STXBP5L: variants seen among roughly 807,000 people sequenced by gnomAD.
The protein encoded by STXBP5L is syntaxin binding protein 5L, also known as syntaxin-binding protein 5-like.
STXBP5L carries 65 observed loss-of-function variants against 144.5 expected under a neutral mutation model. That is an observed-to-expected ratio of 0.45 (90% confidence interval 0.37 to 0.55). The LOEUF (loss-of-function observed/expected upper bound fraction) is 0.55. Among genes scored for constraint, STXBP5L ranks in the 20% least tolerant of loss-of-function variants. STXBP5L has a pLI of 0.00. For synonymous variants in STXBP5L, 505 were observed against 469.6 expected (o/e 1.08, Z -0.97); for missense variants, 1,298 against 1,405.5 (o/e 0.92, Z 1.22).
intron 3 of STXBP5L, among the ~76,000 whole-genome samples, chr3:121,007,346 TATG>T (rs1479063066): frequency 1.3e-5 from 2 of 152,044 alleles, no homozygotes; most frequent in African/African-American, 4.8e-5. Flanking sequence ...AGCTTTCTTT[TATG>T]ATAATAGTTT....
chr3:121,127,953 C>A lies in STXBP5L; in HGVS notation c.669+6249C>A, dbSNP rs182375073. 5.9e-5 allele frequency among the ~76,000 whole-genome samples: 9 copies of A among 152,110 alleles called. No homozygotes were observed. In the East Asian group the frequency reaches 1.7e-3, roughly 29 times the overall value. On this transcript the variant is annotated intron_variant, in intron 7 of 26. Transcript: ENST00000471454. ...GATGTTTTTCCCCACAAGACCACCT[C>A]CAGTATCATTACATCCAGGCAAAGA...
chr3:120,914,635 C>T (rs548934919), intron 2 of STXBP5L, among the ~76,000 whole-genome samples: 6 of 151,992 alleles, frequency 3.9e-5, no homozygotes, highest in Non-Finnish European at 5.9e-5. Flanking sequence ...TTTACTTAAG[C>T]GGTTTTGCAA....
At chr3:121,178,656 A>G (rs1432995275) in intron 9 of STXBP5L, among the ~76,000 whole-genome samples, 1 of 152,182 alleles carries the variant, frequency 6.6e-6, no homozygotes, top group Non-Finnish European at 1.5e-5. Context: ...GGGGAATCTG[A>G]AAATCCAGAT....
chr3:121,040,690 C>A (rs1431842441), intron 3 of STXBP5L, among the ~76,000 whole-genome samples: 1 of 152,050 alleles, frequency 6.6e-6, no homozygotes, highest in East Asian at 1.9e-4. Context: ...TCTGTCTCCC[C>A]ATTCAGTAGG....
At chr3:120,948,691 A>G (rs1711006677) in intron 2 of STXBP5L, among the ~76,000 whole-genome samples, 1 of 151,956 alleles carries the variant, frequency 6.6e-6, no homozygotes, top group Non-Finnish European at 1.5e-5. Context: ...AACTTAGAAT[A>G]ATGGTCTCCA....
Position 121,381,595 on chromosome 3 carries a change from A to G in STXBP5L, c.2587+63A>G, listed in dbSNP as rs892482056. 2.6e-6 allele frequency: 4 copies of G among 1,557,770 alleles called. No individual in the cohort carries two copies. The Admixed American group carries it at 9.1e-5, about 35-fold the overall frequency. On this transcript the variant is annotated intron_variant, in intron 22 of 26. Transcript: ENST00000471454. ...TTTTCAAATTTAGATATAAGGTATT[A>G]TAAACATAAATTTGTATTGATTTGG...
chr3:121,356,649 G>T (rs1415756897), intron 20 of STXBP5L, among the ~76,000 whole-genome samples: 1 of 152,190 alleles, frequency 6.6e-6, no homozygotes, highest in South Asian at 2.1e-4. Context: ...CACTTCCCGG[G>T]TGAGGCAATG....
chr3:120,966,684 G>A (rs1258427000), intron 3 of STXBP5L, among the ~76,000 whole-genome samples: 1 of 152,140 alleles, frequency 6.6e-6, no homozygotes, highest in Non-Finnish European at 1.5e-5. Flanking sequence ...CTTCATCCCA[G>A]AGTGGCAGCT....
chr3:121,372,604 G>A (rs779203736), intron 20 of STXBP5L, among the ~76,000 whole-genome samples: 5 of 152,134 alleles, frequency 3.3e-5, no homozygotes, highest in South Asian at 2.1e-4. Context: ...GGAACAAGTC[G>A]TGGTGTGTGG....
At chr3:121,205,803 T>A (rs1484953900) in intron 9 of STXBP5L, 120 bp from the exon 10 acceptor site, 11 of 488,560 alleles carry the variant, frequency 2.3e-5, no homozygotes, top group Non-Finnish European at 3.5e-5. Flanking sequence ...TATCCTATTA[T>A]GACAAACATA....
Position 121,104,586 on chromosome 3 carries a change from T to A in STXBP5L, c.471-10339T>A, listed in dbSNP as rs544726631. Among the ~76,000 whole-genome samples the A allele has an allele frequency of 3.6e-4, 54 of 152,106 alleles. 2 individuals carry two copies. In the South Asian group the frequency reaches 0.011, roughly 31 times the overall value. On this transcript the variant is annotated intron_variant, in intron 5 of 26. Coordinates refer to ENST00000471454, the MANE Select transcript of STXBP5L (RefSeq NM_001308330.2). Reference sequence around the variant, plus strand: ...TGGAACTAAATAGGGAACCCAAAAATAAAGCCAAACACTTACAGCCAACTG... The same window carrying A: ...TGGAACTAAATAGGGAACCCAAAAAAAAAGCCAAACACTTACAGCCAACTG...
intron 5 of STXBP5L, among the ~76,000 whole-genome samples, chr3:121,084,386 G>A (rs2042391064): frequency 6.6e-6 from 1 of 152,066 alleles, no homozygotes; most frequent in Admixed American, 6.6e-5. Context: ...AGGCCCCAGT[G>A]TGTGTTGTTC....
At chr3:121,418,832 T>C (rs903398555) in intron 26 of STXBP5L, among the ~76,000 whole-genome samples, 16 of 152,198 alleles carry the variant, frequency 1.1e-4, no homozygotes, top group Non-Finnish European at 2.2e-4. Context: ...ACATCCTCCA[T>C]TTTGTCTCAG....
chr3:121,214,458 A>G (rs1368229892), intron 10 of STXBP5L, among the ~76,000 whole-genome samples: 1 of 152,010 alleles, frequency 6.6e-6, no homozygotes, highest in Non-Finnish European at 1.5e-5. Flanking sequence ...CCTTAATTTC[A>G]TTATTTACCC....
rs1330385157 is a variant in STXBP5L, at chr3:121,041,711, C to A, written c.299C>A (p.Pro100His). The A allele has an allele frequency of 3.7e-6, 6 of 1,611,918 alleles. No individual in the cohort carries two copies. In the South Asian group the frequency reaches 6.6e-5, roughly 18 times the overall value. Residue 100 changes from proline to histidine, a missense_variant, in exon 4 of 27, where the codon CCT becomes CAT. Physicochemically the swap from Pro to His is moderately conservative, Grantham distance 77 (BLOSUM62 -2). Transcript: ENST00000471454. The stretch of plus-strand genomic sequence containing the variant: ...TTTTATTATATTAGACTCGGGAGAC[C>A]TGGTGTTGATTGCTATTGCCAACAT... ...RTGAIRILGR[P>H]GVDCYCQHES...
chr3:121,006,240 A>G (rs1011119091), intron 3 of STXBP5L, among the ~76,000 whole-genome samples: 34 of 152,080 alleles, frequency 2.2e-4, no homozygotes, highest in African/African-American at 7.7e-4. Flanking sequence ...GTGCCCCTGT[A>G]TTGGGTGCAT....
chr3:121,317,661 A>G (rs545062058), intron 19 of STXBP5L, among the ~76,000 whole-genome samples: 2 of 152,316 alleles, frequency 1.3e-5, no homozygotes, highest in Admixed American at 6.5e-5. Flanking sequence ...TAGAAAAACC[A>G]TAATGAAGAA....
chr3:121,347,192 C>T (rs966117787), intron 20 of STXBP5L, among the ~76,000 whole-genome samples: 1 of 152,108 alleles, frequency 6.6e-6, no homozygotes, highest in Non-Finnish European at 1.5e-5. Flanking sequence ...TTTCCCAGCA[C>T]CATTTATTAA....
At chr3:120,996,555 T>A (rs1358590646) in intron 3 of STXBP5L, among the ~76,000 whole-genome samples, 1 of 152,124 alleles carries the variant, frequency 6.6e-6, no homozygotes, top group Non-Finnish European at 1.5e-5. Flanking sequence ...ATTAAACCTC[T>A]AAAACTCATT....
Sources: gnomAD v4.1 joint callset for allele counts (sites outside exome capture counted in the v4.1 genomes callset) on GRCh38, gnomAD v4.1.1 for gene constraint, MANE v1.5 for transcripts, NCBI Gene and HGNC (gene_info 2026-07-23, HGNC 2026-07-21) for gene names.